TOX: variants seen among roughly 807,000 people sequenced by gnomAD.
TOX encodes the protein thymocyte selection-associated high mobility group box protein TOX.
Under a neutral mutation model 53.7 loss-of-function variants are expected in TOX, and 11 were observed. That is an observed-to-expected ratio of 0.20 (90% CI 0.13 to 0.34). The LOEUF (loss-of-function observed/expected upper bound fraction) is 0.34, where lower values mean the gene tolerates loss of function less well. Ranked by LOEUF, TOX falls within the 10% of genes least tolerant of loss-of-function variation. The pLI, the probability that TOX is intolerant of heterozygous loss-of-function variation, is 1.00. For synonymous variants in TOX, 225 were observed against 245.3 expected (o/e 0.92, Z 0.77); for missense variants, 570 against 664.6 (o/e 0.86, Z 1.56).
At chr8:59,054,671 G>A (rs1443980081) in intron 1 of TOX, among the ~76,000 whole-genome samples, 1 of 151,918 alleles carries the variant, frequency 6.6e-6, no homozygotes, top group Non-Finnish European at 1.5e-5. Flanking sequence ...GAAAAAGGAA[G>A]TTTCCTCGCC....
At chr8:58,991,351 C>T (rs1234674890) in intron 1 of TOX, among the ~76,000 whole-genome samples, 1 of 152,202 alleles carries the variant, frequency 6.6e-6, no homozygotes, top group Non-Finnish European at 1.5e-5. Flanking sequence ...CTCCCTCGAG[C>T]ACTAGAAGTC....
intron 5 of TOX, among the ~76,000 whole-genome samples, chr8:58,835,104 C>T (rs2129166629): frequency 6.6e-6 from 1 of 152,288 alleles, no homozygotes; most frequent in Non-Finnish European, 1.5e-5. Flanking sequence ...GATTGAGAAA[C>T]TGCTTTATGA....
chr8:59,106,717 C>A (rs527881353), intron 1 of TOX, among the ~76,000 whole-genome samples: 96 of 152,210 alleles, frequency 6.3e-4, no homozygotes, highest in African/African-American at 2.0e-3. Flanking sequence ...GGTTGTCAAT[C>A]ATGAGGAAAG....
At chr8:59,060,354 G>A (rs1394984356) in intron 1 of TOX, among the ~76,000 whole-genome samples, 1 of 152,176 alleles carries the variant, frequency 6.6e-6, no homozygotes. Context: ...ATGGCTGGGC[G>A]CAGTGGCTCA....
chr8:58,881,723 CAA>C (rs11316154), intron 3 of TOX, among the ~76,000 whole-genome samples: 2,506 of 82,392 alleles, frequency 0.03, 9 homozygotes, highest in South Asian at 0.07. Context: ...GATTCCATCT[CAA>C]AAAAAAAAAA....
intron 3 of TOX, among the ~76,000 whole-genome samples, chr8:58,924,876 G>C (rs1332439008): frequency 6.6e-6 from 1 of 152,092 alleles, no homozygotes; most frequent in Non-Finnish European, 1.5e-5. Context: ...GGCTTACTTG[G>C]CCTGTGTTTT....
chr8:59,103,341 T>C (rs1239608654), intron 1 of TOX, among the ~76,000 whole-genome samples: 1 of 152,192 alleles, frequency 6.6e-6, no homozygotes, highest in Non-Finnish European at 1.5e-5. Context: ...CTCTATTTTT[T>C]AATAATAAGG....
chr8:58,942,857 G>T (rs544492023), intron 2 of TOX, among the ~76,000 whole-genome samples: 1 of 152,230 alleles, frequency 6.6e-6, no homozygotes, highest in Admixed American at 6.5e-5. Flanking sequence ...GTTAAAAAGA[G>T]ACTGGTGCCT....
In TOX at chr8:58,808,174, C is replaced by T. The variant is rs1448806388; in HGVS notation, c.1488G>A (p.Gly496=). Residue 496 remains glycine, a synonymous_variant, in exon 8 of 9, where the codon GGG becomes GGA. Transcript: ENST00000361421. ...CCGGTTGTGGGGGAGGATTTCTGCA[C>T]CCCGAACGCACATACTCCATTGCCT... The part of the protein sequence containing the change: ...VTQAMEYVRS[G]CRNPPPQPVD... 1 of 1,613,988 alleles carries T rather than the reference C, an allele frequency of 6.2e-7. No homozygotes were observed. The highest frequency in any genetic ancestry group is 8.5e-7 in the Non-Finnish European group (1 of 1,180,002).
intron 1 of TOX, among the ~76,000 whole-genome samples, chr8:59,102,085 A>C (rs988858877): frequency 6.6e-6 from 1 of 152,230 alleles, no homozygotes; most frequent in African/African-American, 2.4e-5. Flanking sequence ...AATTTGCAAA[A>C]GAAAGAGGTT....
At chr8:59,115,657 T>C (rs570994994) in intron 1 of TOX, among the ~76,000 whole-genome samples, 3 of 152,202 alleles carry the variant, frequency 2.0e-5, no homozygotes, top group Non-Finnish European at 4.4e-5. Context: ...AGGTGAATAC[T>C]GTTAACTCCA....
intron 5 of TOX, among the ~76,000 whole-genome samples, chr8:58,835,752 A>C (rs1331779483): frequency 6.6e-6 from 1 of 152,202 alleles, no homozygotes; most frequent in Non-Finnish European, 1.5e-5. Flanking sequence ...ACTGCTCTTG[A>C]ATATGGAAAA....
rs1276370897 is a variant in TOX at position 58,918,780 on chromosome 8, C to T, written c.411+20522G>A. 4.4e-4 allele frequency among the ~76,000 whole-genome samples: 46 copies of T among 104,016 alleles called. 1 individual carries two copies. Among genetic ancestry groups the T allele is most frequent in the Non-Finnish European group, 2.1e-4 (11 of 52,724 alleles). The allele number at this position is 104,016 out of a possible 152,430, so 68.2% of individuals were successfully genotyped here. On this transcript the variant is annotated intron_variant, in intron 3 of 8. Transcript: ENST00000361421. ...AAGTCAAATTGTCCCTGTTTGCAGA[C>T]GACATGATTGTTTATCTAGAAAACC...
chr8:59,026,292 G>A (rs1362729185), intron 1 of TOX, among the ~76,000 whole-genome samples: 2 of 152,038 alleles, frequency 1.3e-5, no homozygotes. Flanking sequence ...GCATCTTAGA[G>A]GACAGGTTTT....
chr8:58,966,313 G>A (rs147789135), intron 1 of TOX, among the ~76,000 whole-genome samples: 7 of 152,172 alleles, frequency 4.6e-5, no homozygotes, highest in Non-Finnish European at 8.8e-5. Context: ...AGACTGAGCC[G>A]AGGCTATCAA....
intron 1 of TOX, among the ~76,000 whole-genome samples, chr8:59,089,891 G>T (rs953514104): frequency 5.3e-5 from 8 of 152,226 alleles, no homozygotes; most frequent in Admixed American, 3.9e-4. Flanking sequence ...GCCAAAACCA[G>T]AAGTCTGGGA....
At chr8:59,062,630 G>T (rs1042100001) in intron 1 of TOX, among the ~76,000 whole-genome samples, 5 of 152,174 alleles carry the variant, frequency 3.3e-5, no homozygotes, top group Non-Finnish European at 5.9e-5. Context: ...TTAACAACGG[G>T]TGTCGTTCTA....
At chr8:59,081,746 G>A (rs1396502318) in intron 1 of TOX, among the ~76,000 whole-genome samples, 1 of 152,176 alleles carries the variant, frequency 6.6e-6, no homozygotes, top group African/African-American at 2.4e-5. Flanking sequence ...CAAGTTCAAA[G>A]AGATGGTGAG....
In TOX at chr8:58,880,581, G is replaced by A. The variant is rs557804157; in HGVS notation, c.412-28776C>T. Among the ~76,000 whole-genome samples, 5 of 152,232 alleles carry A rather than the reference G, an allele frequency of 3.3e-5. No homozygotes were observed. In the South Asian group the frequency reaches 6.2e-4, roughly 19 times the overall value. On this transcript the variant is annotated intron_variant, in intron 3 of 8. Transcript: ENST00000361421. ...GTTTATTAAAGAATAGGAAATGCAG[G>A]CATTCTCTCTCTTTCTGCTAGAATA...
Sources: gnomAD v4.1 joint callset for allele counts (sites outside exome capture counted in the v4.1 genomes callset) on GRCh38, gnomAD v4.1.1 for gene constraint, MANE v1.5 for transcripts, NCBI Gene and HGNC (gene_info 2026-07-23, HGNC 2026-07-21) for gene names.